The following FCGR3B variants were observed in gnomAD, a reference collection of about 807,000 sequenced individuals.
The protein encoded by FCGR3B is Fc gamma receptor IIIb, also known as low affinity immunoglobulin gamma Fc region receptor III-B.
In FCGR3B, 20 loss-of-function variants were observed where a neutral mutation model predicts 26.7. The observed-to-expected ratio is 0.75, with a 90% CI of 0.53 to 1.09. The LOEUF (loss-of-function observed/expected upper bound fraction) is 1.09, where lower values mean the gene tolerates loss of function less well. Among genes scored for constraint, FCGR3B ranks in the 50% least tolerant of loss-of-function variants. The pLI, the probability that FCGR3B is intolerant of heterozygous loss-of-function variation, is 0.00. For synonymous variants in FCGR3B, 79 were observed against 107.0 expected, an observed-to-expected ratio of 0.74 and a Z score of 1.62; for missense variants, 191 against 279.7, an observed-to-expected ratio of 0.68 and a Z score of 2.26.
At chr1:161,625,242 C>G (rs1443812623) in intron 4 of FCGR3B, among the ~76,000 whole-genome samples, 2 of 119,466 alleles carry the variant, frequency 1.7e-5, no homozygotes, top group African/African-American at 6.4e-5. Context: ...TGCTGCCTTT[C>G]TACATGCAAA....
In FCGR3B at chr1:161,624,425, G is replaced by C. The variant is rs886387398; in HGVS notation, c.*90C>G. Reference sequence around the variant, plus strand: ...AATGTTCAGAGATGCTGCTGCCACTGCTCTTATTACCCCCATGGGATGGGG... The same window carrying C: ...AATGTTCAGAGATGCTGCTGCCACTCCTCTTATTACCCCCATGGGATGGGG... On this transcript the variant is annotated 3_prime_UTR_variant, in exon 5 of 5. Coordinates refer to ENST00000650385, the MANE Select transcript of FCGR3B (RefSeq NM_001244753.2). 4.7e-5 allele frequency: 68 copies of C among 1,439,074 alleles called. No homozygotes were observed. The highest frequency in any genetic ancestry group is 6.3e-5 in the Non-Finnish European group (66 of 1,044,276). 89.1% of individuals were successfully genotyped at this position (1,439,074 alleles called of 1,614,324 possible).
At chr1:161,630,488 A>G in intron 1 of FCGR3B, 100 bp from the exon 2 acceptor site, 13 of 1,031,424 alleles carry the variant, frequency 1.3e-5, no homozygotes, top group Middle Eastern at 2.1e-4. Flanking sequence ...CCTCTGCCCC[A>G]GGAGCCCAAT....
chr1:161,627,527 C>G (rs1679525756), intron 3 of FCGR3B, among the ~76,000 whole-genome samples: 1 of 150,534 alleles, frequency 6.6e-6, no homozygotes, highest in African/African-American at 2.5e-5. Flanking sequence ...TCATGATTCT[C>G]TAACACAAAG....
rs1469325605 is a variant in FCGR3B, at chr1:161,624,827, G to A, written c.578-188C>T. 1.3e-5 allele frequency among the ~76,000 whole-genome samples: 2 copies of A among 148,362 alleles called. 1 individual carries two copies. The highest frequency in any genetic ancestry group is 3.0e-5 in the Non-Finnish European group (2 of 67,250). On this transcript the variant is annotated intron_variant, in intron 4 of 4. Coordinates refer to ENST00000650385, the MANE Select transcript of FCGR3B (RefSeq NM_001244753.2). Reference sequence around the variant, plus strand: ...TCCTGATCTTAGTGCTATCTGAGCAGAGGACAGCTCACCAAACACTTAGCA... The same window carrying A: ...TCCTGATCTTAGTGCTATCTGAGCAAAGGACAGCTCACCAAACACTTAGCA...
At position 161,631,135 on chromosome 1, in the gene FCGR3B, A is replaced by T. The variant is rs1679728632; in HGVS notation, c.-41T>A. 1 of 1,607,818 alleles carries T rather than the reference A, an allele frequency of 6.2e-7. No homozygotes were observed. The highest frequency in any genetic ancestry group is 1.7e-4 in the Middle Eastern group (1 of 6,030). ...TGGACAAGTCACCAAAGATATCCGG[A>T]GCCCTAAAGGGACCAAGCCGACTAG... On this transcript the variant is annotated 5_prime_UTR_variant, in exon 1 of 5. Coordinates refer to ENST00000650385, the MANE Select transcript of FCGR3B (RefSeq NM_001244753.2).
In FCGR3B at chr1:161,626,295, G is replaced by A; in HGVS notation, c.427C>T (p.Gln143Ter). ...NTALHKVTYL[Q>*]NGKDRKYFHH... ...AAATACTTCCTGTCTTTGCCATTCTGTAAATATGTGACCTTATGCAGAGCA... is the reference window on the plus strand; with the variant it reads ...AAATACTTCCTGTCTTTGCCATTCTATAAATATGTGACCTTATGCAGAGCA... Residue 143 changes from glutamine (Q) to a stop codon, truncating the protein, a stop_gained, in exon 4 of 5, where the codon CAG becomes TAG. Coordinates refer to ENST00000650385, the MANE Select transcript of FCGR3B (RefSeq NM_001244753.2). LOFTEE classifies it high-confidence loss of function. 2 of 1,608,890 alleles carry A rather than the reference G, an allele frequency of 1.2e-6. No homozygotes were observed. Among genetic ancestry groups the A allele is most frequent in the Non-Finnish European group, 1.7e-6 (2 of 1,177,768 alleles).
intron 1 of FCGR3B, 196 bp downstream of exon 1, chr1:161,630,859 C>G (rs78154415): frequency 0.36 from 476,181 of 1,317,402 alleles, 84,650 homozygotes; most frequent in East Asian, 0.69. Flanking sequence ...TCACTCATGA[C>G]TATGACCCAA....
intron 4 of FCGR3B, among the ~76,000 whole-genome samples, chr1:161,625,340 C>G (rs984533116): frequency 1.4e-5 from 2 of 138,484 alleles, no homozygotes; most frequent in Non-Finnish European, 3.1e-5. Context: ...AGCTCTGATT[C>G]TGGAGGCTGG....
rs1399919909 is a variant in FCGR3B at position 161,628,524 on chromosome 1, C to G, written c.319+1254G>C. ...TATTGCTTTCTCTTGGTAATTCCCC[C>G]ATTTTATTTGGTTGTAGGTGGACAT... On this transcript the variant is annotated intron_variant, in intron 3 of 4. Transcript: ENST00000650385. Among the ~76,000 whole-genome samples, 9 of 149,156 alleles carry G rather than the reference C, an allele frequency of 6.0e-5. 1 individual carries two copies. Among genetic ancestry groups the G allele is most frequent in the Non-Finnish European group, 1.3e-4 (9 of 67,516 alleles).
chr1:161,624,604 G>A lies in FCGR3B; in HGVS notation c.613C>T (p.Pro205Ser). The A allele has an allele frequency of 1.2e-6, 2 of 1,606,806 alleles. No individual in the cohort carries two copies. The highest frequency in any genetic ancestry group is 1.7e-6 in the Non-Finnish European group (2 of 1,176,780). Reference sequence around the variant, plus strand: ...AAGCAGAAAGAGACTTGGTACCCAGGTGGAGAGAATGATGAGATGGTTGAC... The same window carrying A: ...AAGCAGAAAGAGACTTGGTACCCAGATGGAGAGAATGATGAGATGGTTGAC... ...AVSTISSFSP[P>S]GYQVSFCLVM... The change falls in exon 5 of 5, where the codon CCT becomes TCT. Residue 205 changes from proline to serine, a missense_variant. Physicochemically the swap from Pro to Ser is moderately conservative, Grantham distance 74. Transcript: ENST00000650385.
chr1:161,629,864 G>A lies in FCGR3B; in HGVS notation c.233C>T (p.Ala78Val), dbSNP rs5030738. The stretch of plus-strand genomic sequence containing the variant: ...CTCTCCACTGTCGTTGACTGTGGCA[G>A]CGTCAATGAAGTAGCTCGAGGCCTG... ...SSQASSYFID[A>V]ATVNDSGEYR... is the part of the protein sequence containing the mutation. The change falls in exon 3 of 5, where the codon GCT becomes GTT. Residue 78 changes from alanine (A) to valine (V), a missense_variant. Ala to Val is a moderately conservative substitution (Grantham distance 64). Transcript: ENST00000650385. 19 of 1,487,498 alleles carry A rather than the reference G, an allele frequency of 1.3e-5. 1 individual carries two copies. Among genetic ancestry groups the A allele is most frequent in the Middle Eastern group, 1.8e-4 (1 of 5,656 alleles). The allele number at this position is 1,487,498 out of a possible 1,614,324, so 92.1% of individuals were successfully genotyped here.
intron 4 of FCGR3B, 80 bp downstream of exon 4, chr1:161,626,065 C>G (rs1343174625): frequency 2.6e-6 from 4 of 1,523,604 alleles, no homozygotes; most frequent in African/African-American, 1.4e-5. Context: ...CAGGAATCTC[C>G]TCCCAACTCA....
intron 4 of FCGR3B, among the ~76,000 whole-genome samples, chr1:161,625,326 C>G (rs1163561863): frequency 7.2e-6 from 1 of 138,314 alleles, no homozygotes; most frequent in African/African-American, 2.8e-5. Flanking sequence ...GCACACCACT[C>G]TAGAGCTCTG....
At position 161,626,193 on chromosome 1, in the gene FCGR3B, C is replaced by A. The variant is rs372772013; in HGVS notation, c.529G>T (p.Gly177Trp). The A allele has an allele frequency of 1.7e-5, 28 of 1,609,532 alleles. No individual in the cohort carries two copies. The highest frequency in any genetic ancestry group is 2.3e-5 in the Non-Finnish European group (27 of 1,178,320). Residue 177 changes from glycine (G) to tryptophan (W), a missense_variant, in exon 4 of 5, where the codon GGG becomes TGG. By Grantham distance (184) the Gly-to-Trp change is radical. Coordinates refer to ENST00000650385, the MANE Select transcript of FCGR3B (RefSeq NM_001244753.2). ...SGSYFCRGLV[G>W]SKNVSSETVN... ...GTCTCTGAAGACACATTTTTACTCCCAACAAGCCCCCTGCAGAAGTAGGAG... is the reference window on the plus strand; with the variant it reads ...GTCTCTGAAGACACATTTTTACTCCAAACAAGCCCCCTGCAGAAGTAGGAG...
At chr1:161,627,232 A>G (rs1359679113) in intron 3 of FCGR3B, among the ~76,000 whole-genome samples, 3 of 150,252 alleles carry the variant, frequency 2.0e-5, no homozygotes, top group Non-Finnish European at 4.4e-5. Context: ...TGTTAAGTTA[A>G]AAAAGCATAA....
intron 2 of FCGR3B, 32 bp downstream of exon 2, chr1:161,630,336 T>C (rs755817240): frequency 9.5e-6 from 15 of 1,587,198 alleles, no homozygotes; most frequent in African/African-American, 1.4e-5. Context: ...TGTGCCCCAC[T>C]GGGTCAATCC....
rs1679720082 is a variant in FCGR3B at position 161,630,993 on chromosome 1, G to C, written c.40+62C>G. The C allele has an allele frequency of 7.2e-6, 11 of 1,526,052 alleles. 1 individual carries two copies. Among genetic ancestry groups the C allele is most frequent in the Non-Finnish European group, 8.8e-6 (10 of 1,134,254 alleles). 94.5% of individuals were successfully genotyped at this position (1,526,052 alleles called of 1,614,324 possible). ...GGAGTCTCATTCGTAGCCTGAAAAG[G>C]GGTGTCTGATGAACCCAAGGCATCT... On this transcript the variant is annotated intron_variant, in intron 1 of 4. Transcript: ENST00000650385.
chr1:161,624,084 T>C lies in FCGR3B; in HGVS notation c.*431A>G. 1.0e-5 allele frequency: 1 copy of C among 99,426 alleles called. No individual in the cohort carries two copies. The highest frequency in any genetic ancestry group is 2.0e-4 in the South Asian group (1 of 5,000). 6.2% of individuals were successfully genotyped at this position (99,426 alleles called of 1,614,324 possible). ...CATTTGTTTAGGAATAATTATTTTC[T>C]TTTTTTCCCTCTAAACTGGGTAATT... On this transcript the variant is annotated 3_prime_UTR_variant, in exon 5 of 5. Transcript: ENST00000650385.
rs749692570 is a variant in FCGR3B, at chr1:161,626,279, C to T, written c.443G>A (p.Arg148Lys). The change falls in exon 4 of 5, where the codon AGG becomes AAG. Residue 148 changes from arginine to lysine, a missense_variant. Physicochemically the swap from Arg to Lys is conservative, Grantham distance 26. This residue lies in a region of FCGR3B where 103 missense variants were observed against 114.5 expected (regional missense o/e 0.90). Coordinates refer to ENST00000650385, the MANE Select transcript of FCGR3B (RefSeq NM_001244753.2). ...GTCAGAATTATGATGAAAATACTTC[C>T]TGTCTTTGCCATTCTGTAAATATGT... The part of the protein sequence containing the change: ...KVTYLQNGKD[R>K]KYFHHNSDFH... 18 of 1,608,720 alleles carry T rather than the reference C, an allele frequency of 1.1e-5. No homozygotes were observed. The highest frequency in any genetic ancestry group is 1.5e-5 in the Non-Finnish European group (18 of 1,177,716).
Sources: gnomAD v4.1 joint callset for allele counts (sites outside exome capture counted in the v4.1 genomes callset) on GRCh38, gnomAD v4.1.1 for gene constraint, gnomAD v4.1.1 regional missense constraint, MANE v1.5 for transcripts, NCBI Gene and HGNC (gene_info 2026-07-23, HGNC 2026-07-21) for gene names.